The following CTNNA3 variants were observed in gnomAD, a reference collection of about 807,000 sequenced individuals.
CTNNA3 encodes the protein catenin alpha 3.
In CTNNA3, 76 loss-of-function variants were observed where a neutral mutation model predicts 95.7. The ratio of observed to expected loss-of-function variants is 0.79; its 90% CI spans 0.66 to 0.96. The LOEUF (loss-of-function observed/expected upper bound fraction) is 0.96. Ranked by LOEUF, CTNNA3 falls within the 40% of genes least tolerant of loss-of-function variation. The pLI, the probability that CTNNA3 is intolerant of heterozygous loss-of-function variation, is 0.00. For missense variants in CTNNA3, 1,191 were observed against 1,089.8 expected, an observed-to-expected ratio of 1.09 and a Z score of -1.31; for synonymous variants, 431 against 374.4, an observed-to-expected ratio of 1.15 and a Z score of -1.74.
At chr10:66,198,395 A>T (rs1382684055) in intron 13 of CTNNA3, among the ~76,000 whole-genome samples, 1 of 152,172 alleles carries the variant, frequency 6.6e-6, no homozygotes, top group Non-Finnish European at 1.5e-5. Context: ...TATAAGAGGA[A>T]TCTACCTGAT....
intron 13 of CTNNA3, among the ~76,000 whole-genome samples, chr10:66,194,986 C>T (rs10509247): frequency 0.085 from 12,992 of 152,100 alleles, 956 homozygotes; most frequent in African/African-American, 0.2. Context: ...GAAGTACAAC[C>T]GAGGATGCCT....
At chr10:66,485,724 C>T (rs1164739777) in intron 11 of CTNNA3, among the ~76,000 whole-genome samples, 2 of 151,932 alleles carry the variant, frequency 1.3e-5, no homozygotes, top group African/African-American at 4.8e-5. Flanking sequence ...GTATTTTTCA[C>T]AGAAATAGAA....
At chr10:66,103,886 A>T (rs889666432) in intron 13 of CTNNA3, among the ~76,000 whole-genome samples, 4 of 152,196 alleles carry the variant, frequency 2.6e-5, no homozygotes, top group African/African-American at 9.6e-5. Context: ...TATATGAATT[A>T]TATCCCAATA....
At chr10:67,515,919 T>C (rs371658508) in intron 5 of CTNNA3, among the ~76,000 whole-genome samples, 18 of 152,316 alleles carry the variant, frequency 1.2e-4, no homozygotes, top group African/African-American at 4.1e-4. Context: ...TTAGACTGCA[T>C]CTAAACAATT....
At chr10:66,752,939 A>G (rs572728125) in intron 9 of CTNNA3, among the ~76,000 whole-genome samples, 1 of 152,268 alleles carries the variant, frequency 6.6e-6, no homozygotes, top group African/African-American at 2.4e-5. Context: ...CCCTAAGTCT[A>G]GGAATGCCTC....
At chr10:66,484,974 G>A (rs1839675459) in intron 11 of CTNNA3, among the ~76,000 whole-genome samples, 1 of 151,934 alleles carries the variant, frequency 6.6e-6, no homozygotes, top group Non-Finnish European at 1.5e-5. Flanking sequence ...TAACAGAATG[G>A]AAAACAAAAA....
In CTNNA3 at chr10:66,253,010, T is replaced by C. The variant is rs192976282; in HGVS notation, c.1884+27460A>G. Among the ~76,000 whole-genome samples the C allele has an allele frequency of 6.6e-5, 10 of 152,286 alleles. No homozygotes were observed. The East Asian group carries it at 1.9e-3, about 29-fold the overall frequency. ...AGGGTAAGGGAGGGTAGTTAGTGGA[T>C]TGCACACAGAATGAAGTTGTTTTCA... On this transcript the variant is annotated intron_variant, in intron 13 of 17. Coordinates refer to ENST00000433211, the MANE Select transcript of CTNNA3 (RefSeq NM_013266.4).
chr10:67,517,214 A>G (rs1839843890), intron 5 of CTNNA3, among the ~76,000 whole-genome samples: 1 of 152,150 alleles, frequency 6.6e-6, no homozygotes, highest in Admixed American at 6.6e-5. Context: ...TACATTCCCA[A>G]CAATGTGCAA....
At chr10:67,528,535 G>A (rs1188518453) in intron 4 of CTNNA3, among the ~76,000 whole-genome samples, 1 of 152,036 alleles carries the variant, frequency 6.6e-6, no homozygotes, top group Non-Finnish European at 1.5e-5. Context: ...AATGCCCTCT[G>A]CCCCACTACC....
intron 9 of CTNNA3, among the ~76,000 whole-genome samples, chr10:66,765,558 T>G (rs4447050): frequency 0.86 from 131,353 of 152,102 alleles, 57,187 homozygotes; most frequent in East Asian, 1. Context: ...TGTGAATACT[T>G]TCATCTTATT....
chr10:67,148,769 G>A (rs975520630), intron 7 of CTNNA3, among the ~76,000 whole-genome samples: 4 of 152,122 alleles, frequency 2.6e-5, no homozygotes, highest in African/African-American at 9.7e-5. Context: ...CAATTTATAG[G>A]TAATTTGTAA....
intron 7 of CTNNA3, among the ~76,000 whole-genome samples, chr10:66,911,355 T>C (rs1410584315): frequency 6.6e-6 from 1 of 152,206 alleles, no homozygotes; most frequent in Non-Finnish European, 1.5e-5. Context: ...GTTCATGTTT[T>C]ATAATAAATA....
chr10:67,559,510 C>G (rs948853732), intron 3 of CTNNA3, among the ~76,000 whole-genome samples: 1 of 151,984 alleles, frequency 6.6e-6, no homozygotes, highest in African/African-American at 2.4e-5. Flanking sequence ...CATCAAAGAC[C>G]AAAAGTAGAT....
chr10:66,049,552 T>C (rs898002487), intron 15 of CTNNA3, among the ~76,000 whole-genome samples: 12 of 152,150 alleles, frequency 7.9e-5, no homozygotes, highest in African/African-American at 2.9e-4. Flanking sequence ...TAAATGCCCA[T>C]CAGTGACAGA....
chr10:67,260,292 GC>G (rs1866546701), intron 5 of CTNNA3, among the ~76,000 whole-genome samples: 1 of 152,166 alleles, frequency 6.6e-6, no homozygotes, highest in Admixed American at 6.5e-5. Flanking sequence ...ACCCAAAGTA[GC>G]CACAGTGCAG....
chr10:66,778,655 C>T (rs1457136212), intron 7 of CTNNA3, among the ~76,000 whole-genome samples: 3 of 151,792 alleles, frequency 2.0e-5, no homozygotes, highest in Non-Finnish European at 4.4e-5. Flanking sequence ...CATCTGTAAA[C>T]AAACTGCCAA....
chr10:65,948,903 T>C (rs1443635305), intron 17 of CTNNA3, among the ~76,000 whole-genome samples: 3 of 152,198 alleles, frequency 2.0e-5, no homozygotes, highest in Non-Finnish European at 4.4e-5. Context: ...TACTTATTAA[T>C]TTCTAGTTAA....
At chr10:67,250,665 G>A (rs1012559955) in intron 5 of CTNNA3, among the ~76,000 whole-genome samples, 1 of 152,152 alleles carries the variant, frequency 6.6e-6, no homozygotes, top group African/African-American at 2.4e-5. Flanking sequence ...ATCTGTGAAT[G>A]TGGAACCAGC....
chr10:67,627,841 T>C (rs925082094), intron 2 of CTNNA3, among the ~76,000 whole-genome samples: 1 of 151,848 alleles, frequency 6.6e-6, no homozygotes, highest in Non-Finnish European at 1.5e-5. Flanking sequence ...GAGTTACTAT[T>C]ATAATTAGTA....
Sources: gnomAD v4.1 joint callset for allele counts (sites outside exome capture counted in the v4.1 genomes callset) on GRCh38, gnomAD v4.1.1 for gene constraint, MANE v1.5 for transcripts, NCBI Gene and HGNC (gene_info 2026-07-23, HGNC 2026-07-21) for gene names.